CASK: variants seen among roughly 807,000 people sequenced by gnomAD.
CASK encodes the protein calcium/calmodulin dependent serine protein kinase.
CASK carries 4 observed loss-of-function variants against 82.9 expected under a neutral mutation model. The ratio of observed to expected loss-of-function variants is 0.05; its 90% confidence interval spans 0.02 to 0.11. The LOEUF (loss-of-function observed/expected upper bound fraction) is 0.11. Among genes scored for constraint, CASK ranks in the 10% least tolerant of loss-of-function variants. The pLI, the probability that CASK is intolerant of heterozygous loss-of-function variation, is 1.00. For missense variants in CASK, 358 were observed against 720.9 expected, an observed-to-expected ratio of 0.50 and a Z score of 5.76; for synonymous variants, 259 against 253.5, an observed-to-expected ratio of 1.02 and a Z score of -0.20.
At chrX:41,817,126 G>T (rs1177573017) in intron 2 of CASK, among the ~76,000 whole-genome samples, 1 of 111,733 alleles carries the variant, frequency 8.9e-6, no homozygotes, top group Non-Finnish European at 1.9e-5. Context: ...AACTAAAAAG[G>T]TCATCTCAAT....
intron 13 of CASK, chrX:41,587,988 T>G (rs1409012322): frequency 9.0e-6 from 1 of 111,695 alleles, no homozygotes; most frequent in Non-Finnish European, 1.9e-5. Context: ...GTGAAAACCA[T>G]ACAAAAGCTT....
At chrX:41,641,311 T>C (rs771954651) in intron 8 of CASK, among the ~76,000 whole-genome samples, 40 of 112,069 alleles carry the variant, frequency 3.6e-4, no homozygotes, top group African/African-American at 1.2e-3. Flanking sequence ...ACATGATTCA[T>C]AGTCCCTTGT....
Position 41,517,412 on chromosome X carries a change from G to A in CASK, c.*3008C>T. On this transcript the variant is annotated 3_prime_UTR_variant, in exon 27 of 27. Transcript: ENST00000378163. ...TCTTGACACTGGGAAACTTCCAGAT[G>A]AATTAAATTGAGTGACATTTCCCTT... 6.7e-6 allele frequency: 1 copy of A among 149,317 alleles called. No homozygotes were observed. Among genetic ancestry groups the A allele is most frequent in the Non-Finnish European group, 1.3e-5 (1 of 76,291 alleles). 12.3% of individuals were successfully genotyped at this position (149,317 alleles called of 1,213,427 possible).
At chrX:41,783,015 TGCGCCTGTAGTCCCA>T (rs2069511015) in intron 3 of CASK, among the ~76,000 whole-genome samples, 1 of 110,127 alleles carries the variant, frequency 9.1e-6, no homozygotes, top group Admixed American at 9.7e-5. Flanking sequence ...CGTGGTGGCA[TGCGCCTGTAGTCCCA>T]GCTACATGGG....
At chrX:41,683,622 T>C (rs1311256587) in intron 5 of CASK, among the ~76,000 whole-genome samples, 1 of 111,876 alleles carries the variant, frequency 8.9e-6, no homozygotes, top group East Asian at 2.8e-4. Context: ...ACACAAAATA[T>C]GTGTTAATCA....
intron 2 of CASK, among the ~76,000 whole-genome samples, chrX:41,831,545 C>G (rs921952776): frequency 8.9e-6 from 1 of 112,234 alleles, no homozygotes; most frequent in Non-Finnish European, 1.9e-5. Context: ...TTACTACAAA[C>G]AAGCACAAAA....
chrX:41,739,951 CA>C (rs1343955560), intron 4 of CASK, among the ~76,000 whole-genome samples: 1 of 112,061 alleles, frequency 8.9e-6, no homozygotes, highest in Non-Finnish European at 1.9e-5. Flanking sequence ...CCTTATCGGA[CA>C]ATTTCTTTTT....
At chrX:41,709,109 C>A in intron 5 of CASK, among the ~76,000 whole-genome samples, 1 of 111,654 alleles carries the variant, frequency 9.0e-6, no homozygotes, top group East Asian at 2.8e-4. Flanking sequence ...AATACATCCA[C>A]TCACCAAAAG....
At chrX:41,893,311 C>T (rs754720205) in intron 1 of CASK, among the ~76,000 whole-genome samples, 1 of 111,875 alleles carries the variant, frequency 8.9e-6, no homozygotes, top group Non-Finnish European at 1.9e-5. Flanking sequence ...AAGAGAAAGC[C>T]CCATGGCCAG....
rs181954088 is a variant in CASK at position 41,563,748 on chromosome X, G to T, written c.1583-2104C>A. Among the ~76,000 whole-genome samples, 3 of 111,437 alleles carry T rather than the reference G, an allele frequency of 2.7e-5. No individual in the cohort carries two copies. In the East Asian group the frequency reaches 8.4e-4, roughly 31 times the overall value. ...ACTCAAGAAATAGAAAGCCTGGATG[G>T]CCTTTTAATGTTAAAGAAATTGAAG... On this transcript the variant is annotated intron_variant, in intron 16 of 26. Coordinates refer to ENST00000378163, the MANE Select transcript of CASK (RefSeq NM_001367721.1).
At chrX:41,735,566 ATTT>A (rs763684706) in intron 5 of CASK, among the ~76,000 whole-genome samples, 1 of 101,632 alleles carries the variant, frequency 9.8e-6, no homozygotes, top group Non-Finnish European at 2.0e-5. Flanking sequence ...AATCTAACTA[ATTT>A]TTTTTTTTTT....
At chrX:41,663,044 C>T (rs1214764713) in intron 7 of CASK, among the ~76,000 whole-genome samples, 1 of 109,442 alleles carries the variant, frequency 9.1e-6, no homozygotes, top group African/African-American at 3.3e-5. Context: ...CCCTATGTTG[C>T]CCAGGCTGGT....
intron 8 of CASK, among the ~76,000 whole-genome samples, chrX:41,653,529 C>T (rs1042975645): frequency 8.9e-6 from 1 of 111,796 alleles, no homozygotes; most frequent in Non-Finnish European, 1.9e-5. Context: ...TGATGCTAGA[C>T]CAAGCTCAGA....
intron 3 of CASK, among the ~76,000 whole-genome samples, chrX:41,773,960 T>C (rs1161195137): frequency 1.8e-5 from 2 of 111,761 alleles, no homozygotes; most frequent in East Asian, 2.8e-4. Context: ...ACTAAATTTA[T>C]ATAAAAGTAT....
chrX:41,839,987 T>TTGAAGTCAAGTAC, intron 2 of CASK, among the ~76,000 whole-genome samples: 1 of 112,250 alleles, frequency 8.9e-6, no homozygotes, highest in Non-Finnish European at 1.9e-5. Flanking sequence ...CCTTAAAGTA[T>TTGAAGTCAAGTAC]TGAAGTCAAG....
chrX:41,528,777 G>C (rs1251275128), intron 25 of CASK, among the ~76,000 whole-genome samples: 1 of 112,176 alleles, frequency 8.9e-6, no homozygotes, highest in African/African-American at 3.2e-5. Flanking sequence ...CTGGAGCAGT[G>C]AGGCTCTGCC....
rs1052132696 is a variant in CASK at position 41,518,017 on chromosome X, G to A, written c.*2403C>T. On this transcript the variant is annotated 3_prime_UTR_variant, in exon 27 of 27. Transcript: ENST00000378163. ...CCTGCCTGTGTGCTTCTCAGAGGAC[G>A]TATAAAGCCACTGAGGATGAGTGCT... 1.1e-5 allele frequency: 4 copies of A among 369,819 alleles called. No individual in the cohort carries two copies. Among genetic ancestry groups the A allele is most frequent in the African/African-American group, 2.6e-5 (1 of 38,281 alleles). 30.5% of individuals were successfully genotyped at this position (369,819 alleles called of 1,213,427 possible).
At chrX:41,854,869 A>G (rs1223671631) in intron 1 of CASK, among the ~76,000 whole-genome samples, 2 of 112,468 alleles carry the variant, frequency 1.8e-5, no homozygotes, top group Non-Finnish European at 3.8e-5. Flanking sequence ...TTACAAACTG[A>G]GGGACAAACG....
At chrX:41,843,922 A>T (rs5917454) in intron 2 of CASK, among the ~76,000 whole-genome samples, 1 of 110,845 alleles carries the variant, frequency 9.0e-6, no homozygotes, top group Non-Finnish European at 1.9e-5. Flanking sequence ...TTAGTTTATA[A>T]ATTCATCAGT....
Sources: gnomAD v4.1 joint callset for allele counts (sites outside exome capture counted in the v4.1 genomes callset) on GRCh38, gnomAD v4.1.1 for gene constraint, MANE v1.5 for transcripts, NCBI Gene and HGNC (gene_info 2026-07-23, HGNC 2026-07-21) for gene names.